The following NPFFR2 variants were observed in gnomAD, a reference collection of about 807,000 sequenced individuals.
NPFFR2 encodes the protein neuropeptide FF receptor 2, also known as G-protein coupled receptor 74.
In NPFFR2, 15 loss-of-function variants were observed where a neutral mutation model predicts 13.1. That is an observed-to-expected ratio of 1.15 (90% CI 0.77 to 1.76). The LOEUF (loss-of-function observed/expected upper bound fraction) is 1.76, where lower values mean the gene tolerates loss of function less well. Among genes scored for constraint, NPFFR2 ranks in the 40% most tolerant of loss-of-function variants. The pLI, the probability that NPFFR2 is intolerant of heterozygous loss-of-function variation, is 0.00. For missense variants in NPFFR2, 572 were observed against 503.5 expected (o/e 1.14, Z -1.30); for synonymous variants, 190 against 175.7 (o/e 1.08, Z -0.65).
At chr4:72,082,791 T>C (rs1414892338) in intron 1 of NPFFR2, among the ~76,000 whole-genome samples, 1 of 152,110 alleles carries the variant, frequency 6.6e-6, no homozygotes, top group Non-Finnish European at 1.5e-5. Flanking sequence ...TATCCTTTGA[T>C]CAACATCTCC....
chr4:72,128,236 CTT>C lies in NPFFR2; in HGVS notation c.-7-348_-7-347del, dbSNP rs560622796. On this transcript the variant is annotated intron_variant, in intron 1 of 3. Transcript: ENST00000308744. ...GTTAGCTTTAAATTAATAAGTGAGTCTTGACAGAATATGATACCTGGAGGTAG... is the reference window on the plus strand; with the variant it reads ...GTTAGCTTTAAATTAATAAGTGAGTCGACAGAATATGATACCTGGAGGTAG... 8.6e-5 allele frequency among the ~76,000 whole-genome samples: 12 copies of C among 138,894 alleles called. No homozygotes were observed. In the East Asian group the frequency reaches 2.4e-3, roughly 28 times the overall value. 91.1% of individuals were successfully genotyped at this position (138,894 alleles called of 152,430 possible).
At chr4:72,131,787 T>G (rs1342377996) in intron 2 of NPFFR2, among the ~76,000 whole-genome samples, 1 of 152,136 alleles carries the variant, frequency 6.6e-6, no homozygotes, top group African/African-American at 2.4e-5. Flanking sequence ...TTGTTTTGAA[T>G]TAGATAAGAT....
chr4:72,117,690 T>TC (rs1328744971), intron 1 of NPFFR2, among the ~76,000 whole-genome samples: 10 of 152,364 alleles, frequency 6.6e-5, no homozygotes, highest in African/African-American at 2.2e-4. Context: ...CAGAAGATGT[T>TC]CCCTCACTTC....
At chr4:72,074,879 T>C (rs756383172) in intron 1 of NPFFR2, among the ~76,000 whole-genome samples, 1 of 132,026 alleles carries the variant, frequency 7.6e-6, no homozygotes, top group Non-Finnish European at 1.6e-5. Flanking sequence ...GCTAAACTAA[T>C]GTCAGACAAC....
chr4:72,054,407 T>C (rs1719682756), intron 1 of NPFFR2, among the ~76,000 whole-genome samples: 1 of 151,910 alleles, frequency 6.6e-6, no homozygotes, highest in Admixed American at 6.6e-5. Flanking sequence ...CAATAAATAG[T>C]ACTGGAACTA....
chr4:72,142,316 T>G (rs1360355725), intron 3 of NPFFR2, among the ~76,000 whole-genome samples: 1 of 151,998 alleles, frequency 6.6e-6, no homozygotes, highest in Non-Finnish European at 1.5e-5. Flanking sequence ...AGTGTCCCGA[T>G]TTTCCAGGTA....
At chr4:72,144,454 AC>A (rs1722717718) in intron 3 of NPFFR2, among the ~76,000 whole-genome samples, 1 of 152,130 alleles carries the variant, frequency 6.6e-6, no homozygotes, top group African/African-American at 2.4e-5. Flanking sequence ...ATGTTTTAAA[AC>A]TGCCACATCT....
At chr4:72,099,295 A>G (rs751337278) in intron 1 of NPFFR2, among the ~76,000 whole-genome samples, 6 of 152,176 alleles carry the variant, frequency 3.9e-5, no homozygotes, top group Non-Finnish European at 8.8e-5. Flanking sequence ...CTGGTAAAAA[A>G]TTGATTCAAT....
chr4:72,143,436 T>G (rs1560425117), intron 3 of NPFFR2, among the ~76,000 whole-genome samples: 1 of 151,870 alleles, frequency 6.6e-6, no homozygotes, highest in Non-Finnish European at 1.5e-5. Flanking sequence ...AAGCAATGAG[T>G]CAGGGAAAAA....
At chr4:72,131,612 G>T (rs1238546093) in intron 2 of NPFFR2, among the ~76,000 whole-genome samples, 1 of 152,000 alleles carries the variant, frequency 6.6e-6, no homozygotes, top group African/African-American at 2.4e-5. Context: ...AAAATTGCTA[G>T]GAGTTATAAC....
intron 1 of NPFFR2, among the ~76,000 whole-genome samples, chr4:72,036,034 C>T (rs13435270): frequency 0.34 from 51,808 of 151,972 alleles, 9,255 homozygotes; most frequent in East Asian, 0.67. Context: ...ATTTAGAAAG[C>T]ATCAATAAAT....
chr4:72,147,746 T>G lies in NPFFR2; in HGVS notation c.1197T>G (p.Ala399=), dbSNP rs1722835349. The G allele has an allele frequency of 6.3e-7, 1 of 1,599,992 alleles. No homozygotes were observed. Among genetic ancestry groups the G allele is most frequent in the Non-Finnish European group, 8.5e-7 (1 of 1,176,752 alleles). The change falls in exon 4 of 4, where the codon GCT becomes GCG. Residue 399 remains alanine, a synonymous_variant. Transcript: ENST00000308744. ...HGETLLYRKS[A]EKPQQELVME... is the part of the protein sequence containing the mutation. Reference sequence around the variant, plus strand: ...AAACCTTGCTTTATAGGAAAAGTGCTGAAAAACCCCAACAGGAATTAGTGA... The same window carrying G: ...AAACCTTGCTTTATAGGAAAAGTGCGGAAAAACCCCAACAGGAATTAGTGA...
chr4:72,079,011 A>G (rs1720522215), intron 1 of NPFFR2, among the ~76,000 whole-genome samples: 1 of 151,752 alleles, frequency 6.6e-6, no homozygotes, highest in Admixed American at 6.6e-5. Context: ...GACTGTAGTC[A>G]TGGTCAAAGA....
rs1484689272 is a variant in NPFFR2, at chr4:72,128,694, G to A, written c.103G>A (p.Val35Met). Residue 35 changes from valine (V) to methionine (M), a missense_variant, in exon 2 of 4, where the codon GTG (valine) becomes ATG (methionine). By Grantham distance (21) the Val-to-Met change is conservative (BLOSUM62 1). Transcript: ENST00000308744. ...HLYSDINITYVNYYLHQPQVA... is the reference protein window; with the variant it reads ...HLYSDINITYMNYYLHQPQVA... Reference sequence around the variant, plus strand: ...GTACTCAGATATTAATATTACCTATGTGAACTACTATCTTCACCAGCCTCA... The same window carrying A: ...GTACTCAGATATTAATATTACCTATATGAACTACTATCTTCACCAGCCTCA... The A allele has an allele frequency of 2.4e-5, 38 of 1,613,620 alleles. No homozygotes were observed. The highest frequency in any genetic ancestry group is 3.2e-5 in the Non-Finnish European group (38 of 1,179,670).
chr4:72,080,244 A>G (rs989845097), intron 1 of NPFFR2, among the ~76,000 whole-genome samples: 40 of 151,458 alleles, frequency 2.6e-4, no homozygotes, highest in African/African-American at 9.5e-4. Context: ...CGCTCACTGC[A>G]ACCTCCACCT....
chr4:72,123,281 A>T (rs565210882), intron 1 of NPFFR2, among the ~76,000 whole-genome samples: 2 of 152,272 alleles, frequency 1.3e-5, no homozygotes, highest in South Asian at 4.1e-4. Flanking sequence ...TAATAGCCTA[A>T]CAACCAAAAA....
At chr4:72,123,344 G>T (rs569812964) in intron 1 of NPFFR2, among the ~76,000 whole-genome samples, 2 of 152,154 alleles carry the variant, frequency 1.3e-5, no homozygotes, top group African/African-American at 4.8e-5. Flanking sequence ...GTACAAAGAG[G>T]AGCTGGTACC....
chr4:72,063,833 C>T (rs1224564207), intron 1 of NPFFR2, among the ~76,000 whole-genome samples: 3 of 152,004 alleles, frequency 2.0e-5, no homozygotes, highest in African/African-American at 7.3e-5. Flanking sequence ...CAGAGCTGGC[C>T]AAAGACAATG....
chr4:72,099,830 T>C (rs1721187868), intron 1 of NPFFR2, among the ~76,000 whole-genome samples: 1 of 152,156 alleles, frequency 6.6e-6, no homozygotes, highest in African/African-American at 2.4e-5. Context: ...TTCTTTATGC[T>C]ACTATCCCTA....
Sources: allele counts gnomAD v4.1 joint callset (sites outside exome capture counted in the v4.1 genomes callset), GRCh38; gene constraint gnomAD v4.1.1; transcripts MANE v1.5; gene names NCBI Gene and HGNC (gene_info 2026-07-23, HGNC 2026-07-21).